DTHD1: variants seen among roughly 807,000 people sequenced by gnomAD.
DTHD1 encodes death domain containing 1, also known as death domain-containing protein 1.
DTHD1 carries 59 observed loss-of-function variants against 74.8 expected under a neutral mutation model. The ratio of observed to expected loss-of-function variants is 0.79; its 90% confidence interval spans 0.64 to 0.98. The LOEUF (loss-of-function observed/expected upper bound fraction) is 0.98. Among genes scored for constraint, DTHD1 ranks in the 50% least tolerant of loss-of-function variants. DTHD1 has a pLI of 0.00. For missense variants in DTHD1, 1,051 were observed against 1,065.4 expected (o/e 0.99, Z 0.19); for synonymous variants, 365 against 371.1 (o/e 0.98, Z 0.19).
intron 1 of DTHD1, 193 bp from the exon 2 acceptor site, chr4:36,283,783 G>T (rs751463782): frequency 1.4e-5 from 8 of 568,128 alleles, no homozygotes; most frequent in Non-Finnish European, 2.2e-5. Context: ...ATGGTTTGTT[G>T]TCAATCCTAC....
At position 36,283,964 on chromosome 4, in the gene DTHD1, A is replaced by T; in HGVS notation, c.272-12A>T. 6.7e-7 allele frequency: 1 copy of T among 1,487,234 alleles called. No homozygotes were observed. Among genetic ancestry groups the T allele is most frequent in the South Asian group, 1.2e-5 (1 of 82,522 alleles). 92.1% of individuals were successfully genotyped at this position (1,487,234 alleles called of 1,614,324 possible). A position where few individuals can be genotyped will look rare whatever the true frequency, so the allele number is the denominator to read the frequency against. On this transcript the variant is annotated splice_polypyrimidine_tract_variant and intron_variant, in intron 1 of 9. Transcript: ENST00000639862. ...GTATTTATTCTTTGTGTGTCCATGT[A>T]TGTGTGTGTAGAAATCATTACTTTC... is the stretch of plus-strand genomic sequence containing the variant.
chr4:36,315,545 T>A (rs1245741791), intron 7 of DTHD1: 2 of 152,224 alleles, frequency 1.3e-5, no homozygotes, highest in Non-Finnish European at 2.9e-5. Flanking sequence ...TAAACTTAAA[T>A]TGCCACATGT....
chr4:36,327,192 C>T (rs1158957867), intron 8 of DTHD1, among the ~76,000 whole-genome samples: 1 of 152,110 alleles, frequency 6.6e-6, no homozygotes, highest in Non-Finnish European at 1.5e-5. Flanking sequence ...GTCTCGAACT[C>T]CTGACCTCAG....
Position 36,281,649 on chromosome 4 carries a change from G to A in DTHD1, c.-110G>A. Reference sequence around the variant, plus strand: ...GTTGTGAGAAAGTGCTGGGCTAGCTGACTCGGATCATCTCCTAGAGTTTAG... The same window carrying A: ...GTTGTGAGAAAGTGCTGGGCTAGCTAACTCGGATCATCTCCTAGAGTTTAG... On this transcript the variant is annotated 5_prime_UTR_variant, in exon 1 of 10. Coordinates refer to ENST00000639862, the MANE Select transcript of DTHD1 (RefSeq NM_001170700.3). 8.1e-7 allele frequency: 1 copy of A among 1,232,214 alleles called. No homozygotes were observed. 76.3% of individuals were successfully genotyped at this position (1,232,214 alleles called of 1,614,324 possible). A position where few individuals can be genotyped will look rare whatever the true frequency, so the allele number is the denominator to read the frequency against.
At chr4:36,326,400 T>A (rs1758347329) in intron 8 of DTHD1, among the ~76,000 whole-genome samples, 1 of 149,228 alleles carries the variant, frequency 6.7e-6, no homozygotes, top group Non-Finnish European at 1.5e-5. Flanking sequence ...CATTTACACA[T>A]TAACTTATTT....
intron 8 of DTHD1, among the ~76,000 whole-genome samples, chr4:36,338,177 T>C (rs1046250509): frequency 2.0e-5 from 3 of 152,188 alleles, no homozygotes; most frequent in African/African-American, 7.2e-5. Context: ...TTCTACATCT[T>C]TATAATCTTG....
At chr4:36,326,446 T>C (rs1263145446) in intron 8 of DTHD1, among the ~76,000 whole-genome samples, 2 of 151,550 alleles carry the variant, frequency 1.3e-5, no homozygotes, top group Non-Finnish European at 2.9e-5. Context: ...AAAAGTTTCT[T>C]CATTTAAGAA....
chr4:36,309,908 A>G (rs1204672707), intron 7 of DTHD1, among the ~76,000 whole-genome samples: 1 of 152,172 alleles, frequency 6.6e-6, no homozygotes, highest in Non-Finnish European at 1.5e-5. Context: ...CCTCATGTCC[A>G]TGTGCACCTA....
At chr4:36,317,904 A>G (rs1757821272) in intron 8 of DTHD1, among the ~76,000 whole-genome samples, 2 of 152,346 alleles carry the variant, frequency 1.3e-5, no homozygotes, top group African/African-American at 4.8e-5. Context: ...AAATTCAGAC[A>G]GTGGAAATGA....
chr4:36,333,857 A>G (rs1258623017), intron 8 of DTHD1: 1 of 152,214 alleles, frequency 6.6e-6, no homozygotes, highest in Non-Finnish European at 1.5e-5. Context: ...AGTAAAGCCC[A>G]TGAAACTGCC....
chr4:36,326,414 GAA>G (rs373848744), intron 8 of DTHD1, among the ~76,000 whole-genome samples: 5 of 135,742 alleles, frequency 3.7e-5, no homozygotes, highest in East Asian at 2.1e-4. Context: ...CTTATTTATT[GAA>G]AAAAAAAAAA....
At chr4:36,330,894 G>C (rs548636214) in intron 8 of DTHD1, among the ~76,000 whole-genome samples, 1 of 152,092 alleles carries the variant, frequency 6.6e-6, no homozygotes, top group East Asian at 1.9e-4. Flanking sequence ...TGTCTAGCTT[G>C]TTTATAATGT....
At chr4:36,283,770 A>T in intron 1 of DTHD1, 2 of 556,946 alleles carry the variant, frequency 3.6e-6, no homozygotes, top group Non-Finnish European at 6.3e-6. Context: ...TACCATGTTA[A>T]AAATGGTTTG....
chr4:36,298,639 G>A (rs1047226161), intron 5 of DTHD1, among the ~76,000 whole-genome samples: 5 of 152,108 alleles, frequency 3.3e-5, no homozygotes, highest in South Asian at 4.1e-4. Flanking sequence ...TGAGGCCAAA[G>A]CATAGTCTGA....
chr4:36,337,547 T>C (rs1464227379), intron 8 of DTHD1, among the ~76,000 whole-genome samples: 1 of 152,232 alleles, frequency 6.6e-6, no homozygotes, highest in African/African-American at 2.4e-5. Flanking sequence ...AATTAGTATT[T>C]CTTTCTCAAT....
chr4:36,329,772 G>T (rs1351094354), intron 8 of DTHD1, among the ~76,000 whole-genome samples: 1 of 152,160 alleles, frequency 6.6e-6, no homozygotes, highest in Non-Finnish European at 1.5e-5. Context: ...GTAGAACTCA[G>T]GTTGTTGTTA....
Position 36,293,606 on chromosome 4 carries a change from A to G in DTHD1, c.1299A>G (p.Val433=), listed in dbSNP as rs1756213370. 1.5e-5 allele frequency: 24 copies of G among 1,549,758 alleles called. No homozygotes were observed. The highest frequency in any genetic ancestry group is 2.0e-5 in the Non-Finnish European group (23 of 1,145,682). ...VSCLKKESFT[V]TKKGLALKSS... is the part of the protein sequence containing the mutation. ...GTTTAAAGAAAGAGTCGTTCACAGT[A>G]ACAAAGAAAGGCCTCGCTCTTAAGT... The change falls in exon 4 of 10, where the codon GTA becomes GTG. Residue 433 remains valine, a synonymous_variant. Transcript: ENST00000639862.
intron 3 of DTHD1, among the ~76,000 whole-genome samples, chr4:36,291,922 A>G (rs1408165997): frequency 6.6e-6 from 1 of 152,226 alleles, no homozygotes; most frequent in East Asian, 1.9e-4. Flanking sequence ...TAAGCAATTA[A>G]AATATTTATC....
rs1477919165 is a variant in DTHD1 at position 36,316,222 on chromosome 4, T to C, written c.2096-20T>C. On this transcript the variant is annotated intron_variant, in intron 7 of 9. Transcript: ENST00000639862. ...AGTGAGATAACTTAATGGTAATAAA[T>C]ACATTTTACTTCTATTTAGGCAACG... 1.3e-6 allele frequency: 2 copies of C among 1,546,356 alleles called. No homozygotes were observed. The highest frequency in any genetic ancestry group is 2.4e-5 in the South Asian group (2 of 82,866).
Sources: allele counts gnomAD v4.1 joint callset (sites outside exome capture counted in the v4.1 genomes callset), GRCh38; gene constraint gnomAD v4.1.1; transcripts MANE v1.5; gene names NCBI Gene and HGNC (gene_info 2026-07-23, HGNC 2026-07-21).